The following DHX8 variants were observed in gnomAD, a reference collection of about 807,000 sequenced individuals.
The protein encoded by DHX8 is ATP-dependent RNA helicase DHX8.
In DHX8, 67 loss-of-function variants were observed where a neutral mutation model predicts 140.7. That is an observed-to-expected ratio of 0.48 (90% CI 0.39 to 0.58). The LOEUF is 0.58. DHX8 is among the 20% of genes least tolerant of loss of function. The pLI is 0.00. For synonymous variants in DHX8, 533 were observed against 553.2 expected, an observed-to-expected ratio of 0.96 and a Z score of 0.51; for missense variants, 887 against 1,550.7, an observed-to-expected ratio of 0.57 and a Z score of 7.19.
intron 3 of DHX8, among the ~76,000 whole-genome samples, chr17:43,490,933 C>G (rs537626143): frequency 2.4e-4 from 37 of 152,038 alleles, no homozygotes; most frequent in African/African-American, 8.9e-4. Context: ...AAGACATAAC[C>G]CAATGAGTAT....
downstream of DHX8, among the ~76,000 whole-genome samples, chr17:43,527,154 A>G (rs767401943): frequency 6.6e-6 from 1 of 152,016 alleles, no homozygotes; most frequent in Non-Finnish European, 1.5e-5. Context: ...CCACTTTGCC[A>G]TTTCTACCTA....
At chr17:43,529,533 T>C (rs1159371558), downstream of DHX8, 1 of 1,613,454 alleles carries the variant, frequency 6.2e-7, no homozygotes, top group African/African-American at 1.3e-5. Context: ...TTGAACTCCA[T>C]TCCCCGGCCC....
At chr17:43,495,109 C>T (rs1163657071) in intron 8 of DHX8, among the ~76,000 whole-genome samples, 2 of 151,896 alleles carry the variant, frequency 1.3e-5, no homozygotes, top group African/African-American at 2.4e-5. Context: ...CCACTGTGCC[C>T]AGCCTATTGT....
In DHX8 at chr17:43,520,732, T is replaced by C. The variant is rs2092202043; in HGVS notation, c.2938-19T>C. ...GTCTTCCACAGGGAAGCAGTTGTAG[T>C]CTTTTTTTGTCCCTCTAGATGGCAG... On this transcript the variant is annotated intron_variant, in intron 19 of 22. Coordinates refer to ENST00000262415, the MANE Select transcript of DHX8 (RefSeq NM_004941.3). 3 of 1,613,964 alleles carry C rather than the reference T, an allele frequency of 1.9e-6. No individual in the cohort carries two copies. The highest frequency in any genetic ancestry group is 1.7e-6 in the Non-Finnish European group (2 of 1,179,932).
chr17:43,532,512 AAG>A (rs1297134492), intron 2 of DHX8, among the ~76,000 whole-genome samples: 4 of 152,116 alleles, frequency 2.6e-5, no homozygotes, highest in South Asian at 2.1e-4. Context: ...AAAAAAGAAA[AAG>A]AAAGAAAAAT....
In DHX8 at chr17:43,524,518, A is replaced by T. The variant is rs1970534890; in HGVS notation, c.*671A>T. 1 of 986,770 alleles carries T rather than the reference A, an allele frequency of 1.0e-6. No individual in the cohort carries two copies. Among genetic ancestry groups the T allele is most frequent in the Admixed American group, 6.1e-5 (1 of 16,442 alleles). 61.1% of individuals were successfully genotyped at this position (986,770 alleles called of 1,614,324 possible). A position where few individuals can be genotyped will look rare whatever the true frequency, so the allele number is the denominator to read the frequency against. ...TCCAGCCTTGTCTTTCAGCATCAGC[A>T]CTAGCCGGGCCGTGCTGGGGGATCA... is the stretch of plus-strand genomic sequence containing the variant. On this transcript the variant is annotated 3_prime_UTR_variant, in exon 23 of 23. Coordinates refer to ENST00000262415, the MANE Select transcript of DHX8 (RefSeq NM_004941.3).
chr17:43,533,274 G>A (rs1168872790), intron 2 of DHX8: 13 of 1,613,842 alleles, frequency 8.1e-6, no homozygotes, highest in Non-Finnish European at 1.1e-5. Context: ...CCGGGGAAAG[G>A]GCTGTAGGGG....
chr17:43,523,454 G>A (rs529696201), intron 22 of DHX8, among the ~76,000 whole-genome samples, 174 bp from the exon 23 acceptor site: 7 of 152,322 alleles, frequency 4.6e-5, no homozygotes, highest in African/African-American at 1.4e-4. Context: ...AGAGGTGTGC[G>A]GGTGCTTCAG....
At chr17:43,498,371 T>C (rs997125537) in intron 9 of DHX8, among the ~76,000 whole-genome samples, 1 of 151,992 alleles carries the variant, frequency 6.6e-6, no homozygotes, top group Admixed American at 6.6e-5. Flanking sequence ...GGTCTGGAAC[T>C]CTTGACCTCA....
chr17:43,543,903 T>A (rs1971658266), intron 3 of DHX8: 1 of 152,168 alleles, frequency 6.6e-6, no homozygotes, highest in South Asian at 2.1e-4. Context: ...AAGGATCTAG[T>A]CAGGGGTCAT....
intron 16 of DHX8, among the ~76,000 whole-genome samples, chr17:43,512,489 G>A (rs567847893): frequency 2.0e-4 from 30 of 151,506 alleles, no homozygotes; most frequent in South Asian, 8.3e-4. Context: ...GGTGAGGGAA[G>A]TCAGGCATGA....
Position 43,524,949 on chromosome 17 carries a change from G to A in DHX8, c.*1102G>A, listed in dbSNP as rs1427067058. 4.1e-6 allele frequency: 4 copies of A among 984,956 alleles called. No homozygotes were observed. The highest frequency in any genetic ancestry group is 4.8e-6 in the Non-Finnish European group (4 of 829,876). The allele number at this position is 984,956 out of a possible 1,614,324, so 61.0% of individuals were successfully genotyped here. A position where few individuals can be genotyped will look rare whatever the true frequency, so the allele number is the denominator to read the frequency against. On this transcript the variant is annotated 3_prime_UTR_variant, in exon 23 of 23. Transcript: ENST00000262415. ...TCCTTGTGCCCTCCTCACAGCTCCT[G>A]AGGAGGGTTTTTTTTTTTTCTTCCC... is the stretch of plus-strand genomic sequence containing the variant.
intron 3 of DHX8, among the ~76,000 whole-genome samples, chr17:43,543,276 A>ACTCTCTCTCTCT (rs60214474): frequency 0.011 from 1,462 of 138,226 alleles, 34 homozygotes; most frequent in African/African-American, 0.038. Context: ...ACACACACAC[A>ACTCTCTCTCTCT]CTCTCTCTCT....
At chr17:43,513,047 A>G (rs16939916) in intron 16 of DHX8, among the ~76,000 whole-genome samples, 4,200 of 152,302 alleles carry the variant, frequency 0.028, 187 homozygotes, top group African/African-American at 0.096. Flanking sequence ...TTAAAATTGT[A>G]GTAATCAACA....
chr17:43,484,306 G>C (rs1567670086), intron 1 of DHX8, 121 bp downstream of exon 1: 5 of 1,225,192 alleles, frequency 4.1e-6, no homozygotes, highest in Non-Finnish European at 5.8e-6. Flanking sequence ...GTCTCTCTCT[G>C]TCGCAGACAC....
chr17:43,490,096 C>T (rs1382477290), intron 2 of DHX8, among the ~76,000 whole-genome samples: 2 of 152,170 alleles, frequency 1.3e-5, no homozygotes, highest in Non-Finnish European at 2.9e-5. Context: ...CATTCTTGTT[C>T]TGTGAGTCAG....
rs977761421 is a variant in DHX8 at position 43,492,222 on chromosome 17, G to A, written c.433G>A (p.Val145Ile). 6.2e-7 allele frequency: 1 copy of A among 1,614,070 alleles called. No individual in the cohort carries two copies. ...DEDDVKVAVD[V>I]LKELEALMPS... is the part of the protein sequence containing the mutation. ...AGATGATGTGAAAGTTGCTGTGGAT[G>A]TCCTGAAAGAACTGGAAGCTTTAAT... Residue 145 changes from valine (V) to isoleucine (I), a missense_variant, in exon 5 of 23, where the codon GTC (valine) becomes ATC (isoleucine). Transcript: ENST00000262415.
At chr17:43,497,230 TAC>T (rs1438546597) in intron 9 of DHX8, among the ~76,000 whole-genome samples, 1 of 152,148 alleles carries the variant, frequency 6.6e-6, no homozygotes, top group African/African-American at 2.4e-5. Context: ...TTTTTTGACT[TAC>T]ATATTTTTGA....
chr17:43,491,746 T>G (rs899947195), intron 4 of DHX8, among the ~76,000 whole-genome samples: 3 of 152,022 alleles, frequency 2.0e-5, no homozygotes, highest in Non-Finnish European at 1.5e-5. Context: ...ATGTAAACAT[T>G]CTGGTGGGGA....
Sources: allele counts gnomAD v4.1 joint callset (sites outside exome capture counted in the v4.1 genomes callset), GRCh38; gene constraint gnomAD v4.1.1; transcripts MANE v1.5; gene names NCBI Gene and HGNC (gene_info 2026-07-23, HGNC 2026-07-21).